MDGA2: variants seen among roughly 807,000 people sequenced by gnomAD.
The protein encoded by MDGA2 is MAM domain-containing glycosylphosphatidylinositol anchor protein 2.
A neutral mutation model predicts 117.8 loss-of-function variants in MDGA2; 40 were observed. The ratio of observed to expected loss-of-function variants is 0.34; its 90% CI spans 0.26 to 0.44. The LOEUF (loss-of-function observed/expected upper bound fraction) is 0.44. Among genes scored for constraint, MDGA2 ranks in the 20% least tolerant of loss-of-function variants. The pLI, the probability that MDGA2 is intolerant of heterozygous loss-of-function variation, is 1.00. For missense variants in MDGA2, 1,123 were observed against 1,250.6 expected, an observed-to-expected ratio of 0.90 and a Z score of 1.54; for synonymous variants, 452 against 439.0, an observed-to-expected ratio of 1.03 and a Z score of -0.37.
At chr14:46,929,887 T>G (rs1884500093) in intron 9 of MDGA2, among the ~76,000 whole-genome samples, 1 of 150,770 alleles carries the variant, frequency 6.6e-6, no homozygotes, top group African/African-American at 2.4e-5. Context: ...TCCACCTTCC[T>G]CAGCCTCTCA....
chr14:47,543,072 A>T (rs944022045), intron 1 of MDGA2, among the ~76,000 whole-genome samples: 1 of 152,060 alleles, frequency 6.6e-6, no homozygotes, highest in African/African-American at 2.4e-5. Context: ...TTAGCCAGGC[A>T]TGGTGGTGCA....
chr14:47,127,320 A>C (rs922198053), intron 5 of MDGA2, among the ~76,000 whole-genome samples: 1 of 152,112 alleles, frequency 6.6e-6, no homozygotes, highest in Non-Finnish European at 1.5e-5. Context: ...TCTCGCATGC[A>C]ATTACTTGTA....
chr14:47,088,374 T>G (rs1369064634), intron 6 of MDGA2, among the ~76,000 whole-genome samples: 1 of 152,176 alleles, frequency 6.6e-6, no homozygotes, highest in Non-Finnish European at 1.5e-5. Context: ...TTAATCTGCA[T>G]GAATAATTGG....
At chr14:46,934,045 T>C (rs1214962827) in intron 9 of MDGA2, among the ~76,000 whole-genome samples, 1 of 151,510 alleles carries the variant, frequency 6.6e-6, no homozygotes, top group African/African-American at 2.4e-5. Context: ...TTCAAAAGGA[T>C]TACTTAAATT....
At chr14:47,338,424 C>T (rs991178755) in intron 1 of MDGA2, among the ~76,000 whole-genome samples, 2 of 150,132 alleles carry the variant, frequency 1.3e-5, no homozygotes, top group Non-Finnish European at 3.0e-5. Context: ...ATAATGTCCT[C>T]ATATATATAT....
At chr14:47,564,265 C>T (rs981272295) in intron 1 of MDGA2, among the ~76,000 whole-genome samples, 1 of 152,044 alleles carries the variant, frequency 6.6e-6, no homozygotes, top group African/African-American at 2.4e-5. Context: ...CACATGGGTT[C>T]TCTGCATTTT....
chr14:47,631,863 G>A (rs1490962933), intron 1 of MDGA2, among the ~76,000 whole-genome samples: 10 of 151,834 alleles, frequency 6.6e-5, no homozygotes, highest in South Asian at 6.2e-4. Context: ...ACGTGGCCCA[G>A]GACAGCTTTG....
intron 8 of MDGA2, among the ~76,000 whole-genome samples, chr14:46,959,884 C>T (rs1024622908): frequency 6.6e-6 from 1 of 152,088 alleles, no homozygotes; most frequent in Non-Finnish European, 1.5e-5. Context: ...CTCATTCTAA[C>T]GTGTTACTGT....
intron 1 of MDGA2, among the ~76,000 whole-genome samples, chr14:47,603,596 C>T (rs2138884626): frequency 6.6e-6 from 1 of 152,136 alleles, no homozygotes; most frequent in East Asian, 1.9e-4. Context: ...GTTTCCAGTT[C>T]CCCCACTTAT....
chr14:47,200,267 T>A (rs1049335703), intron 3 of MDGA2, among the ~76,000 whole-genome samples: 15 of 152,152 alleles, frequency 9.9e-5, no homozygotes, highest in African/African-American at 3.1e-4. Context: ...ATGGCATTTT[T>A]AATTTATTTT....
intron 1 of MDGA2, among the ~76,000 whole-genome samples, chr14:47,550,221 G>A (rs939582639): frequency 3.9e-5 from 6 of 152,116 alleles, no homozygotes; most frequent in Non-Finnish European, 5.9e-5. Context: ...CTCTAGTAAA[G>A]TTAATTTTAT....
At chr14:47,386,447 A>G (rs989970396) in intron 1 of MDGA2, among the ~76,000 whole-genome samples, 2 of 152,234 alleles carry the variant, frequency 1.3e-5, no homozygotes, top group African/African-American at 4.8e-5. Flanking sequence ...TTCACAATGA[A>G]ATGGCCACCA....
intron 6 of MDGA2, among the ~76,000 whole-genome samples, chr14:47,063,913 C>T (rs561272271): frequency 1.4e-4 from 21 of 152,070 alleles, no homozygotes; most frequent in African/African-American, 4.8e-4. Flanking sequence ...TTGTTTTCCA[C>T]TTCTGTGCTC....
At chr14:47,304,778 A>G (rs12436030) in intron 1 of MDGA2, among the ~76,000 whole-genome samples, 13,571 of 152,106 alleles carry the variant, frequency 0.089, 733 homozygotes, top group Non-Finnish European at 0.11. Flanking sequence ...CATCCAACTA[A>G]AAGTCCCATT....
At chr14:47,046,602 A>AAAATAAAT (rs34663840) in intron 7 of MDGA2, among the ~76,000 whole-genome samples, 51 of 149,084 alleles carry the variant, frequency 3.4e-4, no homozygotes, top group Middle Eastern at 3.4e-3. Context: ...AAGTATAATA[A>AAAATAAAT]AAATAAATAA....
chr14:47,375,539 TA>T (rs910994541), intron 1 of MDGA2, among the ~76,000 whole-genome samples: 1 of 151,822 alleles, frequency 6.6e-6, no homozygotes, highest in Non-Finnish European at 1.5e-5. Context: ...TGTCAGACCT[TA>T]AAAAAAAGAA....
intron 3 of MDGA2, among the ~76,000 whole-genome samples, chr14:47,171,106 A>C (rs1369131312): frequency 2.0e-5 from 3 of 152,186 alleles, no homozygotes; most frequent in Non-Finnish European, 4.4e-5. Flanking sequence ...AGGATAATTA[A>C]GGCAATTTTC....
At chr14:47,511,436 TTAAA>T (rs1196429392) in intron 1 of MDGA2, among the ~76,000 whole-genome samples, 6 of 152,170 alleles carry the variant, frequency 3.9e-5, no homozygotes, top group African/African-American at 9.6e-5. Context: ...ACTGAATCTA[TTAAA>T]TAAACATTTA....
intron 1 of MDGA2, among the ~76,000 whole-genome samples, chr14:47,593,090 C>T (rs1009145717): frequency 6.6e-6 from 1 of 152,108 alleles, no homozygotes; most frequent in African/African-American, 2.4e-5. Flanking sequence ...AGACACTTCT[C>T]AAAAGAAGAC....
Sources: gnomAD v4.1 joint callset for allele counts (sites outside exome capture counted in the v4.1 genomes callset) on GRCh38, gnomAD v4.1.1 for gene constraint, MANE v1.5 for transcripts, NCBI Gene and HGNC (gene_info 2026-07-23, HGNC 2026-07-21) for gene names.